Variants in SCGB2A1 observed in about 807,000 individuals in gnomAD.
SCGB2A1 encodes mammaglobin-B.
In SCGB2A1, 6 loss-of-function variants were observed where a neutral mutation model predicts 9.2. That is an observed-to-expected ratio of 0.66 (90% CI 0.36 to 1.29). The LOEUF (loss-of-function observed/expected upper bound fraction) is 1.29. SCGB2A1 is among the 50% of genes most tolerant of loss of function. SCGB2A1 has a pLI of 0.03. For synonymous variants in SCGB2A1, 37 were observed against 41.0 expected, an observed-to-expected ratio of 0.90 and a Z score of 0.37; for missense variants, 138 against 116.9, an observed-to-expected ratio of 1.18 and a Z score of -0.83.
intron 2 of SCGB2A1, among the ~76,000 whole-genome samples, chr11:62,210,837 C>T (rs187314728): frequency 6.6e-6 from 1 of 151,874 alleles, no homozygotes; most frequent in African/African-American, 2.4e-5. Flanking sequence ...CTACCTCTGA[C>T]CTCACCAGTC....
Position 62,211,574 on chromosome 11 carries a change from A to G in SCGB2A1, c.243+974A>G, listed in dbSNP as rs535944526. ...ACCACCATGCCCAGCTAATTTTTGT[A>G]TTTTTAGTAGAGATGAGATTTTACC... is the stretch of plus-strand genomic sequence containing the variant. On this transcript the variant is annotated intron_variant, in intron 2 of 2. Transcript: ENST00000244930. Among the ~76,000 whole-genome samples, 6 of 151,950 alleles carry G rather than the reference A, an allele frequency of 3.9e-5. No individual in the cohort carries two copies. In the East Asian group the frequency reaches 9.7e-4, roughly 25 times the overall value.
chr11:62,212,973 T>TGTACAC (rs1944844083), intron 2 of SCGB2A1, among the ~76,000 whole-genome samples: 1 of 138,760 alleles, frequency 7.2e-6, no homozygotes, highest in African/African-American at 2.6e-5. Flanking sequence ...TATGTACACA[T>TGTACAC]ATATGTGCAC....
chr11:62,213,063 C>T (rs80088873), intron 2 of SCGB2A1, among the ~76,000 whole-genome samples: 850 of 52,994 alleles, frequency 0.016, 18 homozygotes, highest in East Asian at 0.028. Context: ...CATATATACA[C>T]ATATATACAT....
intron 2 of SCGB2A1, among the ~76,000 whole-genome samples, chr11:62,213,013 CACATATAT>C (rs1350735258): frequency 8.3e-5 from 2 of 24,156 alleles, no homozygotes; most frequent in African/African-American, 1.0e-4. Context: ...CACATATATG[CACATATAT>C]ACATATATAC....
intron 2 of SCGB2A1, among the ~76,000 whole-genome samples, chr11:62,211,271 T>G (rs1330576608): frequency 6.6e-6 from 1 of 152,038 alleles, no homozygotes; most frequent in African/African-American, 2.4e-5. Context: ...TCTCAAGAGA[T>G]CACACACTTG....
chr11:62,213,115 T>TTTTTTTTGTAGAGATGGCATTTTGTCATA (rs1944852284), intron 2 of SCGB2A1, among the ~76,000 whole-genome samples: 1 of 145,652 alleles, frequency 6.9e-6, no homozygotes, highest in South Asian at 2.1e-4. Flanking sequence ...TATTTTTTTT[T>TTTTTTTTGTAGAGATGGCATTTTGTCATA]TTGTAGAGAT....
At chr11:62,208,853 TC>T (rs1944805431) in intron 1 of SCGB2A1, 67 bp downstream of exon 1, 7 of 1,503,564 alleles carry the variant, frequency 4.7e-6, no homozygotes, top group Non-Finnish European at 6.4e-6. Flanking sequence ...GTAGAAGAAC[TC>T]CCAACCTCTA....
intron 2 of SCGB2A1, among the ~76,000 whole-genome samples, chr11:62,210,923 AT>A (rs5792248): frequency 0.36 from 48,821 of 137,034 alleles, 8,171 homozygotes; most frequent in African/African-American, 0.37. Flanking sequence ...AGGCATCGGC[AT>A]TTTTTTTTTT....
intron 2 of SCGB2A1, among the ~76,000 whole-genome samples, chr11:62,212,932 A>ACACACATATGTACACACATATG (rs1565121260): frequency 7.1e-6 from 1 of 141,046 alleles, no homozygotes; most frequent in African/African-American, 2.6e-5. Flanking sequence ...ACACACATAT[A>ACACACATATGTACACACATATG]TACACACATA....
chr11:62,208,826 T>G, intron 1 of SCGB2A1, 40 bp downstream of exon 1: 1 of 1,599,504 alleles, frequency 6.3e-7, no homozygotes, highest in Non-Finnish European at 8.6e-7. Flanking sequence ...GGGCTAGGAA[T>G]TGTCACCTGG....
intron 1 of SCGB2A1, 51 bp downstream of exon 1, chr11:62,208,837 G>T (rs769673169): frequency 6.3e-7 from 1 of 1,583,070 alleles, no homozygotes; most frequent in Non-Finnish European, 8.7e-7. Context: ...TGTCACCTGG[G>T]CCCCTGTAGA....
At position 62,208,744 on chromosome 11, in the gene SCGB2A1, A is replaced by T; in HGVS notation, c.13A>T (p.Met5Leu). The T allele has an allele frequency of 2.5e-6, 4 of 1,613,676 alleles. No individual in the cohort carries two copies. Among genetic ancestry groups the T allele is most frequent in the Non-Finnish European group, 3.4e-6 (4 of 1,179,910 alleles). ...CAGCCGCCTCGCCATGAAGCTGCTG[A>T]TGGTCCTCATGCTGGCGGCCCTCCT... Reference protein sequence around the residue: MKLLMVLMLAALLLH... With the variant: MKLLLVLMLAALLLH... The change falls in exon 1 of 3, where the codon ATG becomes TTG. Residue 5 changes from methionine (M) to leucine (L), a missense_variant. By Grantham distance (15) the Met-to-Leu change is conservative. Transcript: ENST00000244930.
intron 2 of SCGB2A1, among the ~76,000 whole-genome samples, chr11:62,211,011 C>T (rs1377571512): frequency 6.6e-6 from 1 of 151,526 alleles, no homozygotes. Context: ...GCAACCTCCA[C>T]CTCCCGGGTT....
chr11:62,211,081 G>T (rs774037856), intron 2 of SCGB2A1, among the ~76,000 whole-genome samples: 1 of 151,732 alleles, frequency 6.6e-6, no homozygotes, highest in African/African-American at 2.4e-5. Flanking sequence ...GCGCCACCAC[G>T]CCGGGCTAAT....
intron 2 of SCGB2A1, among the ~76,000 whole-genome samples, chr11:62,212,023 A>G (rs1944835182): frequency 6.6e-6 from 1 of 151,974 alleles, no homozygotes; most frequent in Admixed American, 6.6e-5. Context: ...CCTGAGTTCA[A>G]GTGATTCTCC....
At chr11:62,208,895 G>C in intron 1 of SCGB2A1, 109 bp downstream of exon 1, 1 of 1,101,762 alleles carries the variant, frequency 9.1e-7, no homozygotes, top group South Asian at 1.3e-5. Flanking sequence ...CCAGTGTGAA[G>C]GGCCTGGGTG....
At chr11:62,210,268 C>A (rs2134733336) in intron 1 of SCGB2A1, 145 bp from the exon 2 acceptor site, 2 of 960,578 alleles carry the variant, frequency 2.1e-6, no homozygotes, top group Non-Finnish European at 2.9e-6. Flanking sequence ...GAGAACTCTG[C>A]ATACTGCACC....
chr11:62,212,883 A>C (rs568533994), intron 2 of SCGB2A1, among the ~76,000 whole-genome samples: 66 of 147,092 alleles, frequency 4.5e-4, no homozygotes, highest in Non-Finnish European at 8.5e-4. Context: ...CTACAGGTGC[A>C]CACTAACACA....
Position 62,213,832 on chromosome 11 carries a change from G to A in SCGB2A1, c.*62G>A, listed in dbSNP as rs1198547732. The A allele has an allele frequency of 7.2e-7, 1 of 1,385,154 alleles. No homozygotes were observed. The highest frequency in any genetic ancestry group is 2.3e-5 in the East Asian group (1 of 43,332). 85.8% of individuals were successfully genotyped at this position (1,385,154 alleles called of 1,614,324 possible). On this transcript the variant is annotated 3_prime_UTR_variant, in exon 3 of 3. Transcript: ENST00000244930. ...TATGGCCAGAACTCATCTGTTGATT[G>A]CTAGAAACCACTTTTCTTTCTTGTG...
Sources: gnomAD v4.1 joint callset for allele counts (sites outside exome capture counted in the v4.1 genomes callset) on GRCh38, gnomAD v4.1.1 for gene constraint, MANE v1.5 for transcripts, NCBI Gene and HGNC (gene_info 2026-07-23, HGNC 2026-07-21) for gene names.